PCDHGA10: variants seen among roughly 807,000 people sequenced by gnomAD.
PCDHGA10 encodes the protein protocadherin gamma subfamily A, 10, also known as protocadherin gamma-A10.
PCDHGA10 carries 42 observed loss-of-function variants against 59.5 expected under a neutral mutation model. The ratio of observed to expected loss-of-function variants is 0.71; its 90% CI spans 0.55 to 0.91. The LOEUF (loss-of-function observed/expected upper bound fraction) is 0.91. Ranked by LOEUF, PCDHGA10 falls within the 40% of genes least tolerant of loss-of-function variation. PCDHGA10 has a pLI of 0.00. For missense variants in PCDHGA10, 1,111 were observed against 1,198.2 expected (o/e 0.93, Z 1.07); for synonymous variants, 511 against 517.2 (o/e 0.99, Z 0.16).
At position 141,430,895 on chromosome 5, in the gene PCDHGA10, G is replaced by A. The variant is rs775296800; in HGVS notation, c.2436+15284G>A. 6.9e-6 allele frequency: 11 copies of A among 1,605,692 alleles called. No individual in the cohort carries two copies. The Admixed American group carries it at 1.0e-4, about 15-fold the overall frequency. ...AGAGCTGGAGAAAGGCTCTAGGGTG[G>A]GCGACATCTCCAGGGACCTGGGGCT... On this transcript the variant is annotated intron_variant, in intron 1 of 3. Coordinates refer to ENST00000398610, the MANE Select transcript of PCDHGA10 (RefSeq NM_018913.3).
Position 141,413,501 on chromosome 5 carries a change from G to A in PCDHGA10, c.326G>A (p.Ser109Asn), listed in dbSNP as rs772110374. The A allele has an allele frequency of 6.2e-7, 1 of 1,614,040 alleles. No individual in the cohort carries two copies. The highest frequency in any genetic ancestry group is 8.5e-7 in the Non-Finnish European group (1 of 1,179,946). Residue 109 changes from serine (S) to asparagine (N), a missense_variant, in exon 1 of 4, where the codon AGT (serine) becomes AAT (asparagine). By Grantham distance (46) the Ser-to-Asn change is conservative. Coordinates refer to ENST00000398610, the MANE Select transcript of PCDHGA10 (RefSeq NM_018913.3). ...GCTCAGAGCGCGCGGTGCGTGGTGAGTTTTAATATCCTTGTGGAAGACAGG... is the reference window on the plus strand; with the variant it reads ...GCTCAGAGCGCGCGGTGCGTGGTGAATTTTAATATCCTTGTGGAAGACAGG... ...LCAQSARCVV[S>N]FNILVEDRVK...
chr5:141,465,171 G>T (rs969390966), intron 1 of PCDHGA10, among the ~76,000 whole-genome samples: 1 of 151,728 alleles, frequency 6.6e-6, no homozygotes, highest in Non-Finnish European at 1.5e-5. Flanking sequence ...TGTTTATGAA[G>T]AAATTTAATT....
In PCDHGA10 at chr5:141,485,848, C is replaced by T; in HGVS notation, c.2437-8959C>T. On this transcript the variant is annotated intron_variant, in intron 1 of 3. Coordinates refer to ENST00000398610, the MANE Select transcript of PCDHGA10 (RefSeq NM_018913.3). This position sits in a 1 kb window ranked among gnomAD's most constrained non-coding sequence, Gnocchi z 5.7. ...GAGGGAACCCGCCGAGATCTGGCAC[C>T]GCAGAGCTCCGGGTATCCGTGCTGG... The T allele has an allele frequency of 1.2e-6, 2 of 1,614,194 alleles. No homozygotes were observed. Among genetic ancestry groups the T allele is most frequent in the South Asian group, 2.2e-5 (2 of 91,080 alleles).
chr5:141,476,417 C>A lies in PCDHGA10; in HGVS notation c.2437-18390C>A. ...GGATCGAGAGGAGCTGTGTGGGACA[C>A]TGCCCTCTTGCACTGTAACTCTGGA... is the stretch of plus-strand genomic sequence containing the variant. On this transcript the variant is annotated intron_variant, in intron 1 of 3. Coordinates refer to ENST00000398610, the MANE Select transcript of PCDHGA10 (RefSeq NM_018913.3). This position sits in a 1 kb window ranked among gnomAD's most constrained non-coding sequence, Gnocchi z 7.6. The A allele has an allele frequency of 6.2e-7, 1 of 1,614,112 alleles. No homozygotes were observed. The highest frequency in any genetic ancestry group is 8.5e-7 in the Non-Finnish European group (1 of 1,179,994).
rs750139205 is a variant in PCDHGA10 at position 141,489,738 on chromosome 5, T to C, written c.2437-5069T>C. Reference sequence around the variant, plus strand: ...AGGATCCGGATGTGGGCACCAATACTGTGAGCTTTTACACTCTAAGCCCCA... The same window carrying C: ...AGGATCCGGATGTGGGCACCAATACCGTGAGCTTTTACACTCTAAGCCCCA... On this transcript the variant is annotated intron_variant, in intron 1 of 3. Coordinates refer to ENST00000398610, the MANE Select transcript of PCDHGA10 (RefSeq NM_018913.3). This position sits in a 1 kb window ranked among gnomAD's most constrained non-coding sequence, Gnocchi z 4.5. 1 of 1,614,168 alleles carries C rather than the reference T, an allele frequency of 6.2e-7. No individual in the cohort carries two copies. Among genetic ancestry groups the C allele is most frequent in the Non-Finnish European group, 8.5e-7 (1 of 1,180,030 alleles).
intron 2 of PCDHGA10, among the ~76,000 whole-genome samples, chr5:141,504,572 A>G (rs184273457): frequency 6.7e-6 from 1 of 148,962 alleles, no homozygotes; most frequent in Admixed American, 6.9e-5. Flanking sequence ...TCTAGGGAAC[A>G]CCATCTGCCC....
At position 141,510,947 on chromosome 5, in the gene PCDHGA10, A is replaced by C; in HGVS notation, c.2585A>C (p.Glu862Ala). Residue 862 changes from glutamate to alanine, a missense_variant and splice_region_variant, in exon 4 of 4, where the codon GAA (glutamate) becomes GCA (alanine). By Grantham distance (107) the Glu-to-Ala change is moderately radical. Transcript: ENST00000398610. ...ACCTGATCTTCCTCTGTCTCTGCAG[A>C]AGCTGCTGATGGGAGCTCCACCCTG... ...LQAMILASAS[E>A]AADGSSTLGG... The C allele has an allele frequency of 6.2e-7, 1 of 1,614,084 alleles. No individual in the cohort carries two copies. Among genetic ancestry groups the C allele is most frequent in the Non-Finnish European group, 8.5e-7 (1 of 1,180,000 alleles).
intron 2 of PCDHGA10, among the ~76,000 whole-genome samples, chr5:141,497,980 G>A (rs983045402): frequency 2.0e-5 from 3 of 152,168 alleles, no homozygotes; most frequent in African/African-American, 7.2e-5. Context: ...GATGTGGGAG[G>A]CCCCTGCCCT....
chr5:141,450,842 T>TTTTA (rs1387012749), intron 1 of PCDHGA10, among the ~76,000 whole-genome samples: 1 of 148,196 alleles, frequency 6.7e-6, no homozygotes, highest in African/African-American at 2.5e-5. Context: ...TTTTTTTTTT[T>TTTTA]GAGATGGGGT....
chr5:141,499,191 C>A (rs920773306), intron 2 of PCDHGA10, among the ~76,000 whole-genome samples: 1 of 152,116 alleles, frequency 6.6e-6, no homozygotes, highest in Non-Finnish European at 1.5e-5. Context: ...ACCATTTCCC[C>A]CTTCTTAGGC....
chr5:141,505,704 G>A (rs770933428), intron 3 of PCDHGA10, among the ~76,000 whole-genome samples: 1 of 152,184 alleles, frequency 6.6e-6, no homozygotes, highest in Non-Finnish European at 1.5e-5. Context: ...GAGCGAACAA[G>A]GAAAAGACTC....
chr5:141,444,341 T>C (rs909401337), intron 1 of PCDHGA10, among the ~76,000 whole-genome samples: 2 of 151,892 alleles, frequency 1.3e-5, no homozygotes, highest in African/African-American at 4.8e-5. Context: ...CCAGCTAATT[T>C]TGTATTTTTA....
chr5:141,438,065 C>T (rs1385128405), intron 1 of PCDHGA10, among the ~76,000 whole-genome samples: 1 of 151,996 alleles, frequency 6.6e-6, no homozygotes, highest in Non-Finnish European at 1.5e-5. Flanking sequence ...TTTAAGAAAC[C>T]ATACTTAATG....
At chr5:141,503,384 C>G (rs898225633) in intron 2 of PCDHGA10, among the ~76,000 whole-genome samples, 1 of 151,906 alleles carries the variant, frequency 6.6e-6, no homozygotes, top group Non-Finnish European at 1.5e-5. Flanking sequence ...ATCATGAGGT[C>G]AGGAGTTCGA....
At chr5:141,428,095 A>G (rs1361784967) in intron 1 of PCDHGA10, 1 of 1,608,848 alleles carries the variant, frequency 6.2e-7, no homozygotes, top group East Asian at 2.2e-5. Flanking sequence ...TGGCTGTCCT[A>G]CCACGTGCTG....
At chr5:141,425,353 T>C (rs868017955) in intron 1 of PCDHGA10, among the ~76,000 whole-genome samples, 2 of 152,296 alleles carry the variant, frequency 1.3e-5, no homozygotes, top group Middle Eastern at 3.4e-3. Context: ...CTTTGAAATG[T>C]GATATTAAGA....
intron 1 of PCDHGA10, chr5:141,422,139 A>C: frequency 1.9e-6 from 3 of 1,588,154 alleles, no homozygotes; most frequent in Non-Finnish European, 2.6e-6. Context: ...AAGTTCAAGT[A>C]CGGGGGTCTC....
rs373297942 is a variant in PCDHGA10, at chr5:141,431,494, C to T, written c.2436+15883C>T. On this transcript the variant is annotated intron_variant, in intron 1 of 3. Coordinates refer to ENST00000398610, the MANE Select transcript of PCDHGA10 (RefSeq NM_018913.3). This position sits in a 1 kb window ranked among gnomAD's most constrained non-coding sequence, Gnocchi z 4.8. ...ACAACGCACCAGCGTTTGCTCAGCC[C>T]GAGTACCGCGCGAGCGTTCCGGAGA... 107 of 1,613,838 alleles carry T rather than the reference C, an allele frequency of 6.6e-5. No homozygotes were observed. Among genetic ancestry groups the T allele is most frequent in the Middle Eastern group, 1.6e-4 (1 of 6,084 alleles).
At chr5:141,459,829 G>A in intron 1 of PCDHGA10, among the ~76,000 whole-genome samples, 1 of 152,178 alleles carries the variant, frequency 6.6e-6, no homozygotes, top group East Asian at 1.9e-4. Flanking sequence ...AACTTTTCAT[G>A]TGTTGTCTAT....
Sources: allele counts gnomAD v4.1 joint callset (sites outside exome capture counted in the v4.1 genomes callset), GRCh38; gene constraint gnomAD v4.1.1; non-coding constraint Gnocchi (gnomAD v3.1); transcripts MANE v1.5; gene names NCBI Gene and HGNC (gene_info 2026-07-23, HGNC 2026-07-21).